Variants in PTPRT observed in about 807,000 individuals in gnomAD.
PTPRT encodes the protein protein tyrosine phosphatase receptor type T.
PTPRT carries 56 observed loss-of-function variants against 176.8 expected under a neutral mutation model. The observed-to-expected ratio is 0.32, with a 90% CI of 0.26 to 0.40. PTPRT has a LOEUF of 0.40. PTPRT is among the 10% of genes least tolerant of loss of function. The pLI is 1.00. For missense variants in PTPRT, 1,540 were observed against 1,908.2 expected, an observed-to-expected ratio of 0.81 and a Z score of 3.60; for synonymous variants, 783 against 739.0, an observed-to-expected ratio of 1.06 and a Z score of -0.96.
the PTPRT span, among the ~76,000 whole-genome samples, chr20:42,032,767 T>C: frequency 2.6e-5 from 4 of 152,268 alleles, no homozygotes; most frequent in East Asian, 7.7e-4. Context: ...CTTCTCTCTC[T>C]CTCTCTCTCC....
At chr20:42,261,268 CT>C (rs1222368835) in intron 13 of PTPRT, among the ~76,000 whole-genome samples, 3 of 152,158 alleles carry the variant, frequency 2.0e-5, no homozygotes, top group African/African-American at 7.2e-5. Flanking sequence ...ATCACTGCCC[CT>C]GTTGTCAATG....
intron 7 of PTPRT, among the ~76,000 whole-genome samples, chr20:42,499,527 C>A (rs1043998464): frequency 2.0e-5 from 3 of 151,994 alleles, no homozygotes; most frequent in Non-Finnish European, 4.4e-5. Flanking sequence ...CCTGACCTTG[C>A]GATCCAGCTG....
chr20:42,674,606 G>A (rs1480443414), intron 7 of PTPRT, among the ~76,000 whole-genome samples: 2 of 152,188 alleles, frequency 1.3e-5, no homozygotes, highest in Non-Finnish European at 2.9e-5. Context: ...TTTTATGGAT[G>A]AATATTGCAT....
At chr20:42,825,145 T>G (rs893008128) in intron 2 of PTPRT, among the ~76,000 whole-genome samples, 2 of 152,068 alleles carry the variant, frequency 1.3e-5, no homozygotes, top group African/African-American at 4.8e-5. Flanking sequence ...GAGGAGCAAT[T>G]TGATAATACG....
intron 6 of PTPRT, among the ~76,000 whole-genome samples, chr20:42,746,942 G>T (rs1250290343): frequency 6.6e-6 from 1 of 152,116 alleles, no homozygotes; most frequent in African/African-American, 2.4e-5. Flanking sequence ...AGGCATTGAA[G>T]AAGGCCCAGG....
chr20:42,201,950 C>CGTGTCTGTGTGTGTGTGTGT lies in PTPRT; in HGVS notation c.2343-2563_2343-2562insACACACACACACACAGACAC, dbSNP rs1555800835. On this transcript the variant is annotated intron_variant, in intron 15 of 30. Transcript: ENST00000373187. ...ATCCCAACCAAGAAGAGAAAAGTTG[C>CGTGTCTGTGTGTGTGTGTGT]GTGTGTGTGTGTGTGTGTGTGTGTG... Among the ~76,000 whole-genome samples the CGTGTCTGTGTGTGTGTGTGT allele has an allele frequency of 2.8e-5, 4 of 143,116 alleles. No homozygotes were observed. The East Asian group carries it at 8.3e-4, about 30-fold the overall frequency. The allele number at this position is 143,116 out of a possible 152,430, so 93.9% of individuals were successfully genotyped here.
chr20:42,261,626 G>C (rs1250153271), intron 13 of PTPRT, among the ~76,000 whole-genome samples: 1 of 152,092 alleles, frequency 6.6e-6, no homozygotes, highest in Admixed American at 6.6e-5. Context: ...AAGAGGAATG[G>C]GGGCTCCTGC....
At chr20:42,087,227 A>T (rs967859872) in intron 27 of PTPRT, among the ~76,000 whole-genome samples, 5 of 150,306 alleles carry the variant, frequency 3.3e-5, no homozygotes, top group African/African-American at 1.2e-4. Flanking sequence ...AAATCATTAT[A>T]ATTATTATTA....
chr20:42,322,008 G>A (rs1477644937), intron 11 of PTPRT, among the ~76,000 whole-genome samples: 1 of 152,150 alleles, frequency 6.6e-6, no homozygotes, highest in East Asian at 1.9e-4. Context: ...GGAAGGCAGA[G>A]CTGCAGTTAG....
chr20:42,937,372 T>C (rs1980256246), intron 1 of PTPRT, among the ~76,000 whole-genome samples: 1 of 152,278 alleles, frequency 6.6e-6, no homozygotes, highest in Non-Finnish European at 1.5e-5. Context: ...TTTCTCTGCA[T>C]TAAGATTTTC....
chr20:42,765,670 G>A (rs2076972377), intron 5 of PTPRT, among the ~76,000 whole-genome samples: 1 of 151,644 alleles, frequency 6.6e-6, no homozygotes, highest in Admixed American at 6.6e-5. Context: ...GAGTGTCTAT[G>A]TATATACATA....
chr20:42,673,900 T>G (rs1397494622), intron 7 of PTPRT, among the ~76,000 whole-genome samples: 1 of 152,200 alleles, frequency 6.6e-6, no homozygotes, highest in African/African-American at 2.4e-5. Flanking sequence ...TTTTCCTCCA[T>G]GAAGCATGCT....
chr20:42,998,263 C>T lies in PTPRT; in HGVS notation c.89-112331G>A, dbSNP rs143104492. ...AACAATTCTAGCTATTGCATTCCAG[C>T]ACCTACGTATTCAATTACCATAAAG... On this transcript the variant is annotated intron_variant, in intron 1 of 30. Transcript: ENST00000373187. 5.6e-4 allele frequency among the ~76,000 whole-genome samples: 85 copies of T among 152,242 alleles called. No homozygotes were observed. The East Asian group carries it at 0.015, about 27-fold the overall frequency.
At chr20:42,900,856 G>T (rs979345455) in intron 1 of PTPRT, among the ~76,000 whole-genome samples, 1 of 151,990 alleles carries the variant, frequency 6.6e-6, no homozygotes, top group Non-Finnish European at 1.5e-5. Context: ...TAAGCCCAGG[G>T]CATAAAACCC....
chr20:42,207,073 C>T (rs1250352816), intron 15 of PTPRT, among the ~76,000 whole-genome samples: 1 of 152,058 alleles, frequency 6.6e-6, no homozygotes, highest in African/African-American at 2.4e-5. Context: ...AGACCTGCAG[C>T]TGAGGGTCCT....
At chr20:42,483,913 G>A (rs1300413687) in intron 7 of PTPRT, among the ~76,000 whole-genome samples, 1 of 152,236 alleles carries the variant, frequency 6.6e-6, no homozygotes, top group African/African-American at 2.4e-5. Flanking sequence ...AGCCTGCGGG[G>A]CAGGAGGACG....
intron 16 of PTPRT, among the ~76,000 whole-genome samples, chr20:42,198,420 A>G (rs966038394): frequency 6.6e-6 from 1 of 152,120 alleles, no homozygotes; most frequent in African/African-American, 2.4e-5. Context: ...CTTACATGGT[A>G]TGTGGAGGAC....
At chr20:42,103,385 G>A (rs530116170) in intron 25 of PTPRT, among the ~76,000 whole-genome samples, 3 of 152,348 alleles carry the variant, frequency 2.0e-5, no homozygotes, top group Admixed American at 6.5e-5. Context: ...GGCCAGGTCC[G>A]AGATTCTGCA....
At chr20:43,105,287 A>G (rs1368310474) in intron 1 of PTPRT, among the ~76,000 whole-genome samples, 1 of 152,114 alleles carries the variant, frequency 6.6e-6, no homozygotes, top group Non-Finnish European at 1.5e-5. Context: ...CCATTGGTCT[A>G]TATATATGGA....
Sources: allele counts gnomAD v4.1 joint callset (sites outside exome capture counted in the v4.1 genomes callset), GRCh38; gene constraint gnomAD v4.1.1; transcripts MANE v1.5; gene names NCBI Gene and HGNC (gene_info 2026-07-23, HGNC 2026-07-21).